The following APOBEC1 variants were observed in gnomAD, a reference collection of about 807,000 sequenced individuals.
The protein encoded by APOBEC1 is apolipoprotein B mRNA editing enzyme catalytic subunit 1, also known as C->U-editing enzyme APOBEC-1.
In APOBEC1, 22 loss-of-function variants were observed where a neutral mutation model predicts 26.3. The ratio of observed to expected loss-of-function variants is 0.84; its 90% CI spans 0.60 to 1.19. The LOEUF (loss-of-function observed/expected upper bound fraction) is 1.19, where lower values mean the gene tolerates loss of function less well. Among genes scored for constraint, APOBEC1 ranks in the 50% most tolerant of loss-of-function variants. The probability of loss-of-function intolerance (pLI) is 0.00; values close to 1 mark genes in which losing one functional copy is unlikely to be tolerated. For synonymous variants in APOBEC1, 77 were observed against 95.3 expected, an observed-to-expected ratio of 0.81 and a Z score of 1.12; for missense variants, 253 against 289.0, an observed-to-expected ratio of 0.88 and a Z score of 0.90.
intron 2 of APOBEC1, among the ~76,000 whole-genome samples, chr12:7,653,218 C>T (rs1381921869): frequency 6.6e-6 from 1 of 151,934 alleles, no homozygotes; most frequent in Non-Finnish European, 1.5e-5. Context: ...GCGTGAGCCA[C>T]CACGCCCAGC....
At chr12:7,653,492 T>C (rs1019171689) in intron 2 of APOBEC1, among the ~76,000 whole-genome samples, 247 of 8,868 alleles carry the variant, frequency 0.028, 1 homozygote, top group Non-Finnish European at 0.23. Flanking sequence ...TCTAACCCTT[T>C]TTTTTTTTTT....
chr12:7,665,218 G>A (rs943906594), intron 1 of APOBEC1, among the ~76,000 whole-genome samples: 7 of 152,114 alleles, frequency 4.6e-5, no homozygotes, highest in Non-Finnish European at 1.0e-4. Context: ...CAATTCATTT[G>A]TCAATTAGCA....
upstream of APOBEC1, among the ~76,000 whole-genome samples, chr12:7,667,612 T>C (rs888652315): frequency 4.6e-5 from 7 of 152,000 alleles, no homozygotes; most frequent in African/African-American, 1.2e-4. Flanking sequence ...AGTAGAATCA[T>C]TGTAGAATAA....
upstream of APOBEC1, among the ~76,000 whole-genome samples, chr12:7,666,602 C>T (rs1348570364): frequency 6.6e-6 from 1 of 151,998 alleles, no homozygotes; most frequent in Non-Finnish European, 1.5e-5. Context: ...GCCTAGGATG[C>T]ATCATTCTTT....
At chr12:7,656,875 C>T (rs1264934557) in intron 1 of APOBEC1, among the ~76,000 whole-genome samples, 1 of 152,200 alleles carries the variant, frequency 6.6e-6, no homozygotes, top group South Asian at 2.1e-4. Flanking sequence ...ATGGCATGAA[C>T]ATCATTGACA....
intron 1 of APOBEC1, among the ~76,000 whole-genome samples, chr12:7,657,245 T>G (rs1249953304): frequency 6.6e-6 from 1 of 152,212 alleles, no homozygotes; most frequent in Non-Finnish European, 1.5e-5. Context: ...TCGCCATGAC[T>G]GCCAAATTGT....
intron 1 of APOBEC1, among the ~76,000 whole-genome samples, chr12:7,656,367 C>T (rs955467603): frequency 3.3e-5 from 5 of 152,194 alleles, no homozygotes; most frequent in South Asian, 4.1e-4. Context: ...TGAGTGGCCC[C>T]GGCTTTGGAG....
chr12:7,668,346 G>T (rs1863917543), upstream of APOBEC1, among the ~76,000 whole-genome samples: 1 of 152,162 alleles, frequency 6.6e-6, no homozygotes, highest in Non-Finnish European at 1.5e-5. Flanking sequence ...AAAACAATGT[G>T]TGTCGTTTTA....
intron 3 of APOBEC1, among the ~76,000 whole-genome samples, chr12:7,651,611 CAAAA>C (rs370874683): frequency 4.2e-4 from 47 of 111,108 alleles, no homozygotes; most frequent in South Asian, 8.8e-4. Flanking sequence ...GACTCCGTCT[CAAAA>C]AAAAAAAAAA....
chr12:7,650,982 CT>C (rs1863629643), intron 4 of APOBEC1, 40 bp downstream of exon 4: 1 of 1,415,066 alleles, frequency 7.1e-7, no homozygotes, highest in Non-Finnish European at 9.9e-7. Context: ...AAGAAGGATG[CT>C]TCTTTTTGCA....
At chr12:7,660,375 G>GACA (rs1555094887) in intron 1 of APOBEC1, among the ~76,000 whole-genome samples, 1 of 23,950 alleles carries the variant, frequency 4.2e-5, no homozygotes, top group African/African-American at 1.3e-4. Context: ...AAGGAAGGAA[G>GACA]GAAAGAAAGA....
At chr12:7,659,976 T>A (rs1040559838) in intron 1 of APOBEC1, among the ~76,000 whole-genome samples, 28 of 149,292 alleles carry the variant, frequency 1.9e-4, no homozygotes, top group East Asian at 6.0e-4. Context: ...CTCAAAAAAA[T>A]AAATAAATAA....
At chr12:7,670,339 T>C (rs1466200476), upstream of APOBEC1, among the ~76,000 whole-genome samples, 1 of 141,978 alleles carries the variant, frequency 7.0e-6, no homozygotes, top group Non-Finnish European at 1.5e-5. Context: ...AAGAGTTTTT[T>C]ACGTATTGTG....
Position 7,664,097 on chromosome 12 carries a change from C to T in APOBEC1, c.16+1760G>A, listed in dbSNP as rs187635101. Among the ~76,000 whole-genome samples, 614 of 152,162 alleles carry T rather than the reference C, an allele frequency of 4.0e-3. 1 individual carries two copies. The highest frequency in any genetic ancestry group is 6.8e-3 in the Middle Eastern group (2 of 294). ...CTCAAACTCCCTACCTCAGGTGATC[C>T]GCCTGCCTTGACCTCCCAAAGTGCT... On this transcript the variant is annotated intron_variant, in intron 1 of 4. Transcript: ENST00000229304.
upstream of APOBEC1, among the ~76,000 whole-genome samples, chr12:7,668,833 A>G (rs1387412484): frequency 6.6e-6 from 1 of 152,042 alleles, no homozygotes; most frequent in African/African-American, 2.4e-5. Context: ...GGTTCAAGCC[A>G]TTCTCATGTC....
chr12:7,659,322 A>AAAAAAATATAT (rs1555094633), intron 1 of APOBEC1, among the ~76,000 whole-genome samples: 4 of 46,276 alleles, frequency 8.6e-5, no homozygotes, highest in Non-Finnish European at 1.3e-4. Context: ...AAAAAAAAAA[A>AAAAAAATATAT]ATATATATAT....
At chr12:7,657,096 C>CAGAGGA (rs1470370002) in intron 1 of APOBEC1, among the ~76,000 whole-genome samples, 1 of 149,522 alleles carries the variant, frequency 6.7e-6, no homozygotes, top group Non-Finnish European at 1.5e-5. Context: ...AGCTATTTAA[C>CAGAGGA]AGAGGAAAAA....
chr12:7,650,842 G>A (rs1017583617), intron 4 of APOBEC1, among the ~76,000 whole-genome samples, 181 bp downstream of exon 4: 7 of 152,212 alleles, frequency 4.6e-5, no homozygotes, highest in Non-Finnish European at 7.3e-5. Context: ...GCGTAGCTGG[G>A]ACTACAAGTG....
chr12:7,667,639 G>A (rs1163977408), upstream of APOBEC1, among the ~76,000 whole-genome samples: 10 of 152,156 alleles, frequency 6.6e-5, no homozygotes, highest in Non-Finnish European at 1.0e-4. Context: ...GTTAGGCCAG[G>A]CGCAGTGGCT....
Sources: gnomAD v4.1 joint callset for allele counts (sites outside exome capture counted in the v4.1 genomes callset) on GRCh38, gnomAD v4.1.1 for gene constraint, MANE v1.5 for transcripts, NCBI Gene and HGNC (gene_info 2026-07-23, HGNC 2026-07-21) for gene names.